The following TMIGD3 variants were observed in gnomAD, a reference collection of about 807,000 sequenced individuals.
TMIGD3 encodes the protein AD026 protein (AD026).
TMIGD3 carries 21 observed loss-of-function variants against 28.1 expected under a neutral mutation model. That is an observed-to-expected ratio of 0.75 (90% CI 0.53 to 1.08). The LOEUF is 1.08. Among genes scored for constraint, TMIGD3 ranks in the 50% least tolerant of loss-of-function variants. The pLI, the probability that TMIGD3 is intolerant of heterozygous loss-of-function variation, is 0.00. For missense variants in TMIGD3, 416 were observed against 435.6 expected (o/e 0.96, Z 0.40); for synonymous variants, 151 against 162.1 (o/e 0.93, Z 0.52).
upstream of TMIGD3, among the ~76,000 whole-genome samples, chr1:111,506,287 G>A (rs1655487551): frequency 6.6e-6 from 1 of 152,230 alleles, no homozygotes; most frequent in African/African-American, 2.4e-5. Flanking sequence ...GAATAGGAAA[G>A]CACTTCAGTG....
intron 4 of TMIGD3, among the ~76,000 whole-genome samples, 184 bp downstream of exon 4, chr1:111,486,402 A>AT (rs11311759): frequency 0.098 from 13,949 of 142,504 alleles, 701 homozygotes; most frequent in Middle Eastern, 0.18. Flanking sequence ...CCTAAACTGT[A>AT]TTTTTTTTTT....
intron 1 of TMIGD3, among the ~76,000 whole-genome samples, chr1:111,537,169 C>G (rs1656666316): frequency 6.6e-6 from 1 of 152,186 alleles, no homozygotes; most frequent in Admixed American, 6.5e-5. Context: ...CTAAAAAGTC[C>G]CTCTTCCCCA....
chr1:111,550,124 A>T (rs1386579302), intron 1 of TMIGD3, among the ~76,000 whole-genome samples: 2 of 152,164 alleles, frequency 1.3e-5, no homozygotes, highest in African/African-American at 4.8e-5. Flanking sequence ...GCAATTGCTC[A>T]TAGTATTGCC....
chr1:111,519,282 G>C (rs1267225672), intron 1 of TMIGD3, among the ~76,000 whole-genome samples: 1 of 152,136 alleles, frequency 6.6e-6, no homozygotes, highest in Non-Finnish European at 1.5e-5. Context: ...TGTGTCCCCT[G>C]AGTGTGCTAT....
Position 111,503,021 on chromosome 1 carries a change from C to T in TMIGD3, c.334G>A (p.Val112Ile). The change falls in exon 1 of 6, where the codon GTC (valine) becomes ATC (isoleucine). Residue 112 changes from valine (V) to isoleucine (I), a missense_variant. Coordinates refer to ENST00000369716, the MANE Select transcript of TMIGD3 (RefSeq NM_020683.7). ...GCAGGCTACCTGACGGTAAGCTTGA[C>T]CCGCAAGTATCGGTCCACAGCGATG... is the stretch of plus-strand genomic sequence containing the variant. Reference protein sequence around the residue: ...LAIAVDRYLRVKLTVRFRIPG... With the variant: ...LAIAVDRYLRIKLTVRFRIPG... 1 of 1,614,018 alleles carries T rather than the reference C, an allele frequency of 6.2e-7. No homozygotes were observed. Among genetic ancestry groups the T allele is most frequent in the Non-Finnish European group, 8.5e-7 (1 of 1,179,918 alleles).
At chr1:111,513,213 T>C (rs1022097984) in intron 1 of TMIGD3, among the ~76,000 whole-genome samples, 5 of 152,202 alleles carry the variant, frequency 3.3e-5, no homozygotes, top group African/African-American at 1.2e-4. Context: ...TTCTTGAGTG[T>C]CATTCATTTT....
chr1:111,491,286 A>G (rs1179635704), intron 1 of TMIGD3, among the ~76,000 whole-genome samples: 2 of 152,218 alleles, frequency 1.3e-5, no homozygotes, highest in Middle Eastern at 3.2e-3. Flanking sequence ...GAGCAGGTGG[A>G]AGTGTGGGTG....
intron 1 of TMIGD3, among the ~76,000 whole-genome samples, chr1:111,511,976 C>T (rs915261377): frequency 4.0e-5 from 6 of 150,944 alleles, no homozygotes; most frequent in African/African-American, 1.5e-4. Flanking sequence ...CCAGAGGGAA[C>T]GGAGGCCCAG....
intron 1 of TMIGD3, chr1:111,500,788 C>A: frequency 1.8e-6 from 1 of 555,646 alleles, no homozygotes; most frequent in South Asian, 2.9e-5. Context: ...CAGGAAACTT[C>A]TCTGGGGACT....
At chr1:111,518,044 C>A (rs72975012) in intron 1 of TMIGD3, among the ~76,000 whole-genome samples, 1 of 152,198 alleles carries the variant, frequency 6.6e-6, no homozygotes. Flanking sequence ...GTGACTTACT[C>A]AAGAACACAT....
intron 1 of TMIGD3, among the ~76,000 whole-genome samples, chr1:111,524,646 A>G (rs1656201704): frequency 6.6e-6 from 1 of 151,774 alleles, no homozygotes; most frequent in Non-Finnish European, 1.5e-5. Context: ...TGGAGACACA[A>G]TTTCACTCTG....
intron 1 of TMIGD3, chr1:111,500,358 G>A (rs1233355435): frequency 1.9e-6 from 3 of 1,614,218 alleles, no homozygotes; most frequent in South Asian, 1.1e-5. Flanking sequence ...AAATCCAGGT[G>A]AGGAAGCTGA....
At position 111,488,964 on chromosome 1, in the gene TMIGD3, A is replaced by G. The variant is rs1654520967; in HGVS notation, c.518T>C (p.Ile173Thr). 6.2e-7 allele frequency: 1 copy of G among 1,614,178 alleles called. No individual in the cohort carries two copies. The highest frequency in any genetic ancestry group is 1.1e-5 in the South Asian group (1 of 91,086). The change falls in exon 3 of 6, where the codon ATC (isoleucine) becomes ACC (threonine). Residue 173 changes from isoleucine to threonine, a missense_variant. Physicochemically the swap from Ile to Thr is moderately conservative, Grantham distance 89. Transcript: ENST00000369716. ...CTTGTAGTGGGCATTGTAGTTGCAGATGGCAGAAGCCGTGTCCAGCACAAA... is the reference window on the plus strand; with the variant it reads ...CTTGTAGTGGGCATTGTAGTTGCAGGTGGCAGAAGCCGTGTCCAGCACAAA... Reference protein sequence around the residue: ...RSFVLDTASAICNYNAHYKNH... With the variant: ...RSFVLDTASATCNYNAHYKNH...
chr1:111,496,288 T>TGC (rs1654885060), intron 1 of TMIGD3, among the ~76,000 whole-genome samples: 1 of 152,224 alleles, frequency 6.6e-6, no homozygotes, highest in South Asian at 2.1e-4. Context: ...GCCAAATGTG[T>TGC]GCCCCCAGTT....
At chr1:111,541,140 T>C (rs183035726) in intron 1 of TMIGD3, among the ~76,000 whole-genome samples, 16 of 152,324 alleles carry the variant, frequency 1.1e-4, no homozygotes, top group Non-Finnish European at 2.1e-4. Flanking sequence ...TATGTTCCAA[T>C]AAAACTTTAT....
rs1226355081 is a variant in TMIGD3, at chr1:111,483,556, T to C, written c.*131A>G. On this transcript the variant is annotated 3_prime_UTR_variant, in exon 6 of 6. Coordinates refer to ENST00000369716, the MANE Select transcript of TMIGD3 (RefSeq NM_020683.7). ...GCCGTTGCTACCTGGCTGCAAATGATTGTTGTCAAGGATAGAGGGTCCTTC... is the reference window on the plus strand; with the variant it reads ...GCCGTTGCTACCTGGCTGCAAATGACTGTTGTCAAGGATAGAGGGTCCTTC... 13 of 797,930 alleles carry C rather than the reference T, an allele frequency of 1.6e-5. No homozygotes were observed. Among genetic ancestry groups the C allele is most frequent in the Non-Finnish European group, 2.3e-5 (11 of 472,588 alleles). The allele number at this position is 797,930 out of a possible 1,614,324, so 49.4% of individuals were successfully genotyped here. A position where few individuals can be genotyped will look rare whatever the true frequency, so the allele number is the denominator to read the frequency against.
chr1:111,536,490 G>A (rs895586863), intron 1 of TMIGD3, among the ~76,000 whole-genome samples: 4 of 152,060 alleles, frequency 2.6e-5, no homozygotes, highest in South Asian at 2.1e-4. Context: ...TAATGATTAC[G>A]ATAAATTGCT....
At chr1:111,537,018 G>A (rs1462303655) in intron 1 of TMIGD3, among the ~76,000 whole-genome samples, 1 of 152,220 alleles carries the variant, frequency 6.6e-6, no homozygotes, top group African/African-American at 2.4e-5. Flanking sequence ...TCAGGTTCAA[G>A]TTCTTCCCCC....
chr1:111,503,193 T>A lies in TMIGD3; in HGVS notation c.162A>T (p.Leu54=), dbSNP rs1557825240. The change falls in exon 1 of 6, where the codon CTA becomes CTT. Residue 54 remains leucine (L), a synonymous_variant. Transcript: ENST00000369716. ...QTTTFYFIVS[L]ALADIAVGVL... is the part of the protein sequence containing the mutation. ...CCCCAACAGCAATGTCAGCCAGGGC[T>A]AGAGAGACAATGAAATAGAAGGTGG... The A allele has an allele frequency of 6.2e-7, 1 of 1,614,236 alleles. No homozygotes were observed.
Sources: gnomAD v4.1 joint callset for allele counts (sites outside exome capture counted in the v4.1 genomes callset) on GRCh38, gnomAD v4.1.1 for gene constraint, MANE v1.5 for transcripts, NCBI Gene and HGNC (gene_info 2026-07-23, HGNC 2026-07-21) for gene names.